The following DNAJB12 variants were observed in gnomAD, a reference collection of about 807,000 sequenced individuals.
DNAJB12 encodes DnaJ heat shock protein family (Hsp40) member B12, also known as dnaJ homolog subfamily B member 12.
A neutral mutation model predicts 40.6 loss-of-function variants in DNAJB12; 14 were observed. That is an observed-to-expected ratio of 0.34 (90% confidence interval 0.23 to 0.54). The LOEUF is 0.54. Ranked by LOEUF, DNAJB12 falls within the 20% of genes least tolerant of loss-of-function variation. The pLI, the probability that DNAJB12 is intolerant of heterozygous loss-of-function variation, is 0.92. For missense variants in DNAJB12, 444 were observed against 501.7 expected, an observed-to-expected ratio of 0.89 and a Z score of 1.10; for synonymous variants, 181 against 199.5, an observed-to-expected ratio of 0.91 and a Z score of 0.78.
At chr10:72,337,858 C>G (rs890400711) in intron 6 of DNAJB12, among the ~76,000 whole-genome samples, 8 of 152,012 alleles carry the variant, frequency 5.3e-5, no homozygotes, top group African/African-American at 1.9e-4. Context: ...ATGCAAAACT[C>G]TGTGTGTATA....
In DNAJB12 at chr10:72,334,486, A is replaced by G; in HGVS notation, c.*162T>C. The G allele has an allele frequency of 2.2e-6, 3 of 1,356,896 alleles. No individual in the cohort carries two copies. Among genetic ancestry groups the G allele is most frequent in the Non-Finnish European group, 3.0e-6 (3 of 984,636 alleles). 84.1% of individuals were successfully genotyped at this position (1,356,896 alleles called of 1,614,324 possible). A position where few individuals can be genotyped will look rare whatever the true frequency, so the allele number is the denominator to read the frequency against. On this transcript the variant is annotated 3_prime_UTR_variant, in exon 9 of 9. Coordinates refer to ENST00000444643, the MANE Select transcript of DNAJB12 (RefSeq NM_017626.7). ...GCTTTCTGCATTTACTGGGTGAGAGAGAGGGCAGCTGTGCAGCGTTCGGCC... is the reference window on the plus strand; with the variant it reads ...GCTTTCTGCATTTACTGGGTGAGAGGGAGGGCAGCTGTGCAGCGTTCGGCC...
Position 72,340,973 on chromosome 10 carries a change from T to C in DNAJB12, c.643+12A>G. The C allele has an allele frequency of 1.2e-6, 2 of 1,609,848 alleles. No individual in the cohort carries two copies. The highest frequency in any genetic ancestry group is 1.7e-6 in the Non-Finnish European group (2 of 1,178,096). On this transcript the variant is annotated intron_variant, in intron 4 of 8. Transcript: ENST00000444643. ...CAGGGATACCTGGCTGTGGGGAGGG[T>C]GGGGAACTTACTAGAAGGGAAGCCG...
intron 6 of DNAJB12, 39 bp downstream of exon 6, chr10:72,338,163 C>T (rs377396183): frequency 6.4e-7 from 1 of 1,568,218 alleles, no homozygotes; most frequent in Non-Finnish European, 8.8e-7. Flanking sequence ...ATTTAAAGCC[C>T]CTTGTCTGCC....
intron 1 of DNAJB12, among the ~76,000 whole-genome samples, chr10:72,349,745 A>G (rs1861888560): frequency 6.6e-6 from 1 of 152,204 alleles, no homozygotes; most frequent in African/African-American, 2.4e-5. Context: ...GGGCAGTTAC[A>G]GGGAATCAGC....
rs905858079 is a variant in DNAJB12 at position 72,335,180 on chromosome 10, G to T, written c.*31-563C>A. 9 of 987,594 alleles carry T rather than the reference G, an allele frequency of 9.1e-6. No individual in the cohort carries two copies. Among genetic ancestry groups the T allele is most frequent in the Non-Finnish European group, 1.1e-5 (9 of 830,940 alleles). The allele number at this position is 987,594 out of a possible 1,614,324, so 61.2% of individuals were successfully genotyped here. Reference sequence around the variant, plus strand: ...AGAGAGTGCCTCAGATCCCACCAGAGGGGGGTGGTCAGGGCCCGCGGCCCC... The same window carrying T: ...AGAGAGTGCCTCAGATCCCACCAGATGGGGGTGGTCAGGGCCCGCGGCCCC... On this transcript the variant is annotated intron_variant, in intron 8 of 8. Transcript: ENST00000444643. This position sits in a 1 kb window ranked among gnomAD's most constrained non-coding sequence, Gnocchi z 4.4.
intron 1 of DNAJB12, among the ~76,000 whole-genome samples, chr10:72,346,361 T>C (rs1861788874): frequency 6.6e-6 from 1 of 152,086 alleles, no homozygotes; most frequent in Non-Finnish European, 1.5e-5. Flanking sequence ...AGTCTTGCTC[T>C]GTTGCCCAGG....
chr10:72,338,389 A>T, intron 5 of DNAJB12, 78 bp from the exon 6 acceptor site: 1 of 1,183,294 alleles, frequency 8.5e-7, no homozygotes. Flanking sequence ...TAGCTCCCCT[A>T]GAATAGTGGA....
chr10:72,343,023 G>A (rs1861680893), intron 3 of DNAJB12, among the ~76,000 whole-genome samples: 1 of 152,236 alleles, frequency 6.6e-6, no homozygotes, highest in African/African-American at 2.4e-5. Flanking sequence ...GGGCAGCTAT[G>A]AGACTCTAAG....
rs570772754 is a variant in DNAJB12, at chr10:72,351,184, A to G, written c.133+3581T>C. Among the ~76,000 whole-genome samples, 12 of 152,270 alleles carry G rather than the reference A, an allele frequency of 7.9e-5. No homozygotes were observed. In the East Asian group the frequency reaches 2.3e-3, roughly 29 times the overall value. On this transcript the variant is annotated intron_variant, in intron 1 of 8. Transcript: ENST00000444643. Reference sequence around the variant, plus strand: ...ACATTTGTTACAAAGCCTGAGTCAAAGCCAATGGCTTACCAGGCTGCCAGC... The same window carrying G: ...ACATTTGTTACAAAGCCTGAGTCAAGGCCAATGGCTTACCAGGCTGCCAGC...
At position 72,338,261 on chromosome 10, in the gene DNAJB12, G is replaced by A. The variant is rs746457201; in HGVS notation, c.774C>T (p.Leu258=). The part of the protein sequence containing the change: ...VQLMPILILI[L]VSALSQLMVS... ...CCATGAGCTGGCTGAGAGCTGACAC[G>A]AGAATCAGGATGAGGATAGGCATCA... is the stretch of plus-strand genomic sequence containing the variant. Residue 258 remains leucine, a synonymous_variant, in exon 6 of 9, where the codon CTC becomes CTT. Transcript: ENST00000444643. The A allele has an allele frequency of 2.5e-6, 4 of 1,613,926 alleles. No homozygotes were observed. Among genetic ancestry groups the A allele is most frequent in the Admixed American group, 3.3e-5 (2 of 59,992 alleles).
At chr10:72,354,618 C>A (rs1169391364) in intron 1 of DNAJB12, 147 bp downstream of exon 1, 2 of 722,466 alleles carry the variant, frequency 2.8e-6, no homozygotes, top group Non-Finnish European at 4.4e-6. Context: ...AAAAACTACG[C>A]CTCCCAGCAG....
chr10:72,345,189 C>A, intron 1 of DNAJB12, 62 bp from the exon 2 acceptor site: 1 of 1,541,660 alleles, frequency 6.5e-7, no homozygotes, highest in Non-Finnish European at 8.8e-7. Flanking sequence ...CCTCGCCGAG[C>A]GGCCCGCTGC....
intron 6 of DNAJB12, 175 bp from the exon 7 acceptor site, chr10:72,336,871 G>A (rs886371988): frequency 2.4e-5 from 13 of 542,864 alleles, no homozygotes; most frequent in South Asian, 2.6e-5. Flanking sequence ...AAAAGGCAGC[G>A]TCCTCCCACA....
At chr10:72,348,269 A>G (rs1437733953) in intron 1 of DNAJB12, among the ~76,000 whole-genome samples, 3 of 152,200 alleles carry the variant, frequency 2.0e-5, no homozygotes, top group African/African-American at 7.2e-5. Flanking sequence ...CTGCAGATTA[A>G]ATGAGGAAGG....
In DNAJB12 at chr10:72,335,526, G is replaced by T. The variant is rs979856838; in HGVS notation, c.*30+254C>A. 7 of 1,220,858 alleles carry T rather than the reference G, an allele frequency of 5.7e-6. No homozygotes were observed. The highest frequency in any genetic ancestry group is 7.2e-6 in the Non-Finnish European group (7 of 970,252). The allele number at this position is 1,220,858 out of a possible 1,614,324, so 75.6% of individuals were successfully genotyped here. On this transcript the variant is annotated intron_variant, in intron 8 of 8. Transcript: ENST00000444643. The surrounding 1 kb of genome is among the most constrained non-coding windows in gnomAD (Gnocchi z 4.4). Reference sequence around the variant, plus strand: ...AAGTTCCCACTCTGCCTGGTTCTGGGGTCCCCCACACCCCTGGAGCCAGGG... The same window carrying T: ...AAGTTCCCACTCTGCCTGGTTCTGGTGTCCCCCACACCCCTGGAGCCAGGG...
At chr10:72,339,092 C>A (rs1347377921) in intron 5 of DNAJB12, among the ~76,000 whole-genome samples, 2 of 151,126 alleles carry the variant, frequency 1.3e-5, no homozygotes, top group African/African-American at 4.9e-5. Context: ...AAAGTAAGAC[C>A]CTATCTCTAC....
chr10:72,338,220 T>C lies in DNAJB12; in HGVS notation c.815A>G (p.Tyr272Cys). Reference protein sequence around the residue: ...LSQLMVSSPPYSLSPRPSVGH... With the variant: ...LSQLMVSSPPCSLSPRPSVGH... The stretch of plus-strand genomic sequence containing the variant: ...TACTCACGGTCTTGGACTCAGACTG[T>C]AGGGTGGACTGGAGACCATGAGCTG... The change falls in exon 6 of 9, where the codon TAC becomes TGC. Residue 272 changes from tyrosine (Y) to cysteine (C), a missense_variant. Tyr to Cys is a radical substitution (Grantham distance 194, BLOSUM62 -2). Transcript: ENST00000444643. The C allele has an allele frequency of 1.9e-6, 3 of 1,613,960 alleles. No homozygotes were observed. The highest frequency in any genetic ancestry group is 2.5e-6 in the Non-Finnish European group (3 of 1,179,912).
rs774359535 is a variant in DNAJB12, at chr10:72,335,970, C to T, written c.1007-39G>A. 1 of 1,608,932 alleles carries T rather than the reference C, an allele frequency of 6.2e-7. No homozygotes were observed. The highest frequency in any genetic ancestry group is 8.5e-7 in the Non-Finnish European group (1 of 1,176,366). ...GGACAGGGTTAGTGCACACCCAGTA[C>T]CTCCCGAAGCCTGCAAGGAAGCCTG... On this transcript the variant is annotated intron_variant, in intron 7 of 8. Transcript: ENST00000444643. This position sits in a 1 kb window ranked among gnomAD's most constrained non-coding sequence, Gnocchi z 4.4.
intron 2 of DNAJB12, among the ~76,000 whole-genome samples, chr10:72,344,596 G>A (rs1242929659): frequency 2.0e-5 from 3 of 152,238 alleles, no homozygotes; most frequent in Non-Finnish European, 2.9e-5. Flanking sequence ...GGTTGGGGTA[G>A]AATCTGGAGG....
Sources: allele counts gnomAD v4.1 joint callset (sites outside exome capture counted in the v4.1 genomes callset), GRCh38; gene constraint gnomAD v4.1.1; non-coding constraint Gnocchi (gnomAD v3.1); transcripts MANE v1.5; gene names NCBI Gene and HGNC (gene_info 2026-07-23, HGNC 2026-07-21).